TRIO: variants seen among roughly 807,000 people sequenced by gnomAD.
TRIO encodes trio Rho guanine nucleotide exchange factor, also known as triple functional domain protein.
A neutral mutation model predicts 351.9 loss-of-function variants in TRIO; 58 were observed. That is an observed-to-expected ratio of 0.16 (90% CI 0.13 to 0.21). The LOEUF (loss-of-function observed/expected upper bound fraction) is 0.21, where lower values mean the gene tolerates loss of function less well. Among genes scored for constraint, TRIO ranks in the 10% least tolerant of loss-of-function variants. TRIO has a pLI of 1.00. For missense variants in TRIO, 3,201 were observed against 4,027.8 expected (o/e 0.79, Z 5.56); for synonymous variants, 1,758 against 1,595.7 (o/e 1.10, Z -2.42).
intron 17 of TRIO, among the ~76,000 whole-genome samples, chr5:14,369,159 G>T (rs1230968683): frequency 6.6e-6 from 1 of 152,162 alleles, no homozygotes; most frequent in East Asian, 1.9e-4. Flanking sequence ...AGAGAGACAG[G>T]ATATTTGCTT....
intron 1 of TRIO, among the ~76,000 whole-genome samples, chr5:14,147,386 A>G (rs759960543): frequency 6.6e-5 from 10 of 152,020 alleles, no homozygotes; most frequent in Non-Finnish European, 1.3e-4. Flanking sequence ...TTGCCAATCT[A>G]TTTTGGGGCT....
In TRIO at chr5:14,471,363, A is replaced by G. The variant is rs1226007267; in HGVS notation, c.5809A>G (p.Ser1937Gly). Reference sequence around the variant, plus strand: ...CTCACTCCTTGTTGACCAGGGAGATAGTAGCAGCCCTTCCTTCAACCCTTC... The same window carrying G: ...CTCACTCCTTGTTGACCAGGGAGATGGTAGCAGCCCTTCCTTCAACCCTTC... Reference protein sequence around the residue: ...PSSLLVDQGDSSSPSFNPSDN... With the variant: ...PSSLLVDQGDGSSPSFNPSDN... The change falls in exon 38 of 57, where the codon AGT becomes GGT. Residue 1937 changes from serine (S) to glycine (G), a missense_variant. Ser to Gly is a moderately conservative substitution (Grantham distance 56, BLOSUM62 0). Transcript: ENST00000344204. The G allele has an allele frequency of 3.1e-6, 5 of 1,614,174 alleles. No individual in the cohort carries two copies. Among genetic ancestry groups the G allele is most frequent in the East Asian group, 2.2e-5 (1 of 44,884 alleles).
intron 45 of TRIO, 126 bp from the exon 46 acceptor site, chr5:14,482,456 T>C: frequency 1.4e-6 from 1 of 735,464 alleles, no homozygotes; most frequent in Non-Finnish European, 1.9e-6. Context: ...AAAATTAAAC[T>C]CCATAAATTA....
At chr5:14,405,277 C>T (rs376346081) in intron 31 of TRIO, among the ~76,000 whole-genome samples, 10 of 152,136 alleles carry the variant, frequency 6.6e-5, no homozygotes, top group African/African-American at 2.2e-4. Flanking sequence ...TCTGTCCACA[C>T]CTCAGTTGCT....
chr5:14,185,620 G>T lies in TRIO; in HGVS notation c.157+41738G>T, dbSNP rs150281199. ...TTCTCAGGCCAAATGCCTAGGAAAGGGTGGGGAGGGGCTGAAGGATGAGTG... is the reference window on the plus strand; with the variant it reads ...TTCTCAGGCCAAATGCCTAGGAAAGTGTGGGGAGGGGCTGAAGGATGAGTG... On this transcript the variant is annotated intron_variant, in intron 1 of 56. Coordinates refer to ENST00000344204, the MANE Select transcript of TRIO (RefSeq NM_007118.4). Among the ~76,000 whole-genome samples, 65 of 152,326 alleles carry T rather than the reference G, an allele frequency of 4.3e-4. 1 individual carries two copies. In the East Asian group the frequency reaches 0.01, roughly 24 times the overall value.
At chr5:14,173,189 CCTT>C (rs1179362204) in intron 1 of TRIO, among the ~76,000 whole-genome samples, 11 of 127,990 alleles carry the variant, frequency 8.6e-5, no homozygotes, top group African/African-American at 3.6e-4. Context: ...ATTGTATGTT[CCTT>C]TTTTTTTTTT....
intron 9 of TRIO, among the ~76,000 whole-genome samples, chr5:14,319,853 G>T (rs1056967475): frequency 3.3e-5 from 5 of 152,130 alleles, no homozygotes; most frequent in South Asian, 2.1e-4. Flanking sequence ...GGTTAATTTT[G>T]GTTTCGAGGT....
chr5:14,429,461 G>GA (rs1469355457), intron 34 of TRIO, among the ~76,000 whole-genome samples: 2 of 152,310 alleles, frequency 1.3e-5, no homozygotes, highest in Admixed American at 1.3e-4. Context: ...AAAGAGAAGG[G>GA]AAAATGCCTT....
rs1736485214 is a variant in TRIO, at chr5:14,286,859, C to G, written c.348-12C>G. The G allele has an allele frequency of 6.2e-7, 1 of 1,608,444 alleles. No homozygotes were observed. Among genetic ancestry groups the G allele is most frequent in the Admixed American group, 1.7e-5 (1 of 59,744 alleles). ...TGTAACCCGTCTTCAGCCATGTTTT[C>G]TTTCTCTGCAGCGAGGAGGTCTGCA... On this transcript the variant is annotated splice_polypyrimidine_tract_variant and intron_variant, in intron 3 of 56. Transcript: ENST00000344204. This position sits in a 1 kb window ranked among gnomAD's most constrained non-coding sequence, Gnocchi z 4.4.
chr5:14,313,227 G>T (rs920615522), intron 8 of TRIO, among the ~76,000 whole-genome samples: 2 of 152,202 alleles, frequency 1.3e-5, no homozygotes, highest in Non-Finnish European at 2.9e-5. Flanking sequence ...CCCTGCTTAT[G>T]AATTCTCAGA....
chr5:14,188,792 G>T (rs986935400), intron 1 of TRIO, among the ~76,000 whole-genome samples: 2 of 152,088 alleles, frequency 1.3e-5, no homozygotes, highest in Non-Finnish European at 2.9e-5. Flanking sequence ...TTTGTCCCGC[G>T]CATTGAATTC....
At chr5:14,180,015 C>G (rs1325121336) in intron 1 of TRIO, among the ~76,000 whole-genome samples, 1 of 142,408 alleles carries the variant, frequency 7.0e-6, no homozygotes, top group Admixed American at 7.7e-5. Context: ...GCTGGAGAAT[C>G]GCTTGAACCC....
At chr5:14,273,356 G>A (rs575627501) in intron 2 of TRIO, among the ~76,000 whole-genome samples, 16 of 152,300 alleles carry the variant, frequency 1.1e-4, no homozygotes, top group South Asian at 4.1e-4. Context: ...GATCCTTAGC[G>A]CCTAGGTCTT....
At chr5:14,323,840 T>A (rs752281130) in intron 9 of TRIO, among the ~76,000 whole-genome samples, 9 of 152,250 alleles carry the variant, frequency 5.9e-5, no homozygotes, top group Non-Finnish European at 1.0e-4. Context: ...ATTTTTACTT[T>A]GTAGGTAAAT....
chr5:14,370,015 C>T (rs4702030), intron 18 of TRIO, among the ~76,000 whole-genome samples: 3 of 152,286 alleles, frequency 2.0e-5, no homozygotes, highest in South Asian at 2.1e-4. Flanking sequence ...GAAATGCTTC[C>T]GACAAGAGAA....
At chr5:14,230,327 T>G (rs1329943351) in intron 1 of TRIO, among the ~76,000 whole-genome samples, 3 of 147,748 alleles carry the variant, frequency 2.0e-5, no homozygotes, top group Non-Finnish European at 4.5e-5. Context: ...AATTGGAAAG[T>G]CAGGCAAGAT....
intron 1 of TRIO, among the ~76,000 whole-genome samples, chr5:14,252,124 T>C (rs529908574): frequency 6.6e-6 from 1 of 152,370 alleles, no homozygotes; most frequent in South Asian, 2.1e-4. Context: ...GGCAATTTTG[T>C]GCCTTGTTCA....
At chr5:14,279,592 T>G (rs956996659) in intron 2 of TRIO, among the ~76,000 whole-genome samples, 1 of 152,230 alleles carries the variant, frequency 6.6e-6, no homozygotes, top group East Asian at 1.9e-4. Flanking sequence ...CATAAGCGTT[T>G]AGTGATACCA....
chr5:14,392,241 A>G (rs1379309964), intron 27 of TRIO, among the ~76,000 whole-genome samples: 4 of 102,938 alleles, frequency 3.9e-5, no homozygotes, highest in Non-Finnish European at 6.7e-5. Flanking sequence ...AATTTACAAG[A>G]AAAAAAAAAA....
Sources: gnomAD v4.1 joint callset for allele counts (sites outside exome capture counted in the v4.1 genomes callset) on GRCh38, gnomAD v4.1.1 for gene constraint, Gnocchi (gnomAD v3.1) non-coding constraint, MANE v1.5 for transcripts, NCBI Gene and HGNC (gene_info 2026-07-23, HGNC 2026-07-21) for gene names.